The following SALL2 variants were observed in gnomAD, a reference collection of about 807,000 sequenced individuals.
SALL2 encodes the protein spalt like transcription factor 2.
Under a neutral mutation model 58.5 loss-of-function variants are expected in SALL2, and 32 were observed. The ratio of observed to expected loss-of-function variants is 0.55; its 90% CI spans 0.41 to 0.74. The LOEUF (loss-of-function observed/expected upper bound fraction) is 0.74, where lower values mean the gene tolerates loss of function less well. SALL2 is among the 30% of genes least tolerant of loss of function. The probability of loss-of-function intolerance (pLI) is 0.00; values close to 1 mark genes in which losing one functional copy is unlikely to be tolerated. For synonymous variants in SALL2, 516 were observed against 513.6 expected, an observed-to-expected ratio of 1.00 and a Z score of -0.06; for missense variants, 1,201 against 1,268.9, an observed-to-expected ratio of 0.95 and a Z score of 0.81.
rs1892147061 is a variant in SALL2, at chr14:21,523,645, T to C, written c.2077A>G (p.Ile693Val). 4 of 1,614,250 alleles carry C rather than the reference T, an allele frequency of 2.5e-6. No homozygotes were observed. The highest frequency in any genetic ancestry group is 1.3e-5 in the African/African-American group (1 of 75,072). ...GCATTGGTGAACTTCTTCTGGCAGA[T>C]GGGGCAGGAATTCTGTGCCCGGGCA... ...PAARAQNSCP[I>V]CQKKFTNAVT... is the part of the protein sequence containing the mutation. The change falls in exon 2 of 2, where the codon ATC becomes GTC. Residue 693 changes from isoleucine (I) to valine (V), a missense_variant. Around this residue, in one of 3 missense-constraint regions of SALL2, gnomAD observed 675 missense variants for 683.8 expected, o/e 0.99. Transcript: ENST00000537235. The surrounding 1 kb of genome is among the most constrained non-coding windows in gnomAD (Gnocchi z 4.4).
chr14:21,536,735 T>G (rs1245143186), intron 1 of SALL2: 2 of 749,042 alleles, frequency 2.7e-6, no homozygotes, highest in South Asian at 1.7e-5. Flanking sequence ...AAACCCCCAG[T>G]GACCAAGTCC....
Position 21,522,782 on chromosome 14 carries a change from T to C in SALL2, c.2940A>G (p.Leu980=). The C allele has an allele frequency of 1.3e-6, 2 of 1,592,916 alleles. No individual in the cohort carries two copies. The highest frequency in any genetic ancestry group is 1.7e-6 in the Non-Finnish European group (2 of 1,171,030). The change falls in exon 2 of 2, where the codon CTA becomes CTG. Residue 980 remains leucine, a synonymous_variant. Transcript: ENST00000537235. ...HGPQNIAALS[L]VPGCSPSITS... is the part of the protein sequence containing the mutation. ...TGATGGAAGGCGAACAGCCAGGGAC[T>C]AGAGAAAGAGCAGCAATATTCTGAG...
chr14:21,525,922 G>A lies in SALL2; in HGVS notation c.67+139C>T. On this transcript the variant is annotated intron_variant, in intron 1 of 1. Transcript: ENST00000537235. The surrounding 1 kb of genome is among the most constrained non-coding windows in gnomAD (Gnocchi z 4.4). ...CCACCCTCCCTTCCCCAGGCCACAA[G>A]CGAGTTCACGGAATAGGTGTGGGGA... The A allele has an allele frequency of 1.1e-6, 1 of 899,410 alleles. No individual in the cohort carries two copies. The highest frequency in any genetic ancestry group is 2.1e-5 in the Admixed American group (1 of 46,794). 55.7% of individuals were successfully genotyped at this position (899,410 alleles called of 1,614,324 possible).
At chr14:21,533,870 C>T (rs534186638) in intron 1 of SALL2, among the ~76,000 whole-genome samples, 6 of 152,178 alleles carry the variant, frequency 3.9e-5, no homozygotes, top group Non-Finnish European at 8.8e-5. Flanking sequence ...GGAAACATTA[C>T]TGGCACCCTA....
chr14:21,537,079 GAC>G, exon 1 of SALL2: 1 of 635,226 alleles, frequency 1.6e-6, no homozygotes, highest in South Asian at 1.9e-5. Flanking sequence ...CAGAGACACA[GAC>G]TCTCTCTCTC....
rs1407446113 is a variant in SALL2 at position 21,522,156 on chromosome 14, G to A, written c.*548C>T. The A allele has an allele frequency of 6.3e-7, 1 of 1,597,992 alleles. No homozygotes were observed. Among genetic ancestry groups the A allele is most frequent in the Middle Eastern group, 1.7e-4 (1 of 6,060 alleles). On this transcript the variant is annotated 3_prime_UTR_variant, in exon 2 of 2. Transcript: ENST00000537235. Reference sequence around the variant, plus strand: ...AGTTCCTAGGCCAAACAGCACTGGTGGGGCCAGGCTTGGAGTGGTAGTGGA... The same window carrying A: ...AGTTCCTAGGCCAAACAGCACTGGTAGGGCCAGGCTTGGAGTGGTAGTGGA...
chr14:21,527,069 C>A (rs902973400), upstream of SALL2, among the ~76,000 whole-genome samples: 10 of 152,192 alleles, frequency 6.6e-5, no homozygotes, highest in African/African-American at 2.4e-4. Context: ...TAAGCCATCT[C>A]CTATTTAGTA....
intron 1 of SALL2, among the ~76,000 whole-genome samples, chr14:21,535,284 G>C (rs1472742403): frequency 6.6e-6 from 1 of 150,526 alleles, no homozygotes; most frequent in Admixed American, 6.6e-5. Context: ...GGTGGAGCGG[G>C]CAGTGAGCCA....
Position 21,525,424 on chromosome 14 carries a change from A to T in SALL2, c.298T>A (p.Ser100Thr). Reference protein sequence around the residue: ...MDTEHSNPPDSGSSVPTDPTW... With the variant: ...MDTEHSNPPDTGSSVPTDPTW... ...GGATCCGTGGGCACGGAGGACCCAGAATCTGGGGGGTTGCTATGCTCTGTG... is the reference window on the plus strand; with the variant it reads ...GGATCCGTGGGCACGGAGGACCCAGTATCTGGGGGGTTGCTATGCTCTGTG... Residue 100 changes from serine (S) to threonine (T), a missense_variant, in exon 2 of 2, where the codon TCT becomes ACT. Physicochemically the swap from Ser to Thr is moderately conservative, Grantham distance 58 (BLOSUM62 1). Around this residue, in one of 3 missense-constraint regions of SALL2, gnomAD observed 467 missense variants for 468.9 expected, o/e 1.00. Transcript: ENST00000537235. The surrounding 1 kb of genome is among the most constrained non-coding windows in gnomAD (Gnocchi z 4.4). The T allele has an allele frequency of 3.1e-6, 5 of 1,613,918 alleles. No individual in the cohort carries two copies. Among genetic ancestry groups the T allele is most frequent in the Non-Finnish European group, 3.4e-6 (4 of 1,179,938 alleles).
At chr14:21,531,235 A>G (rs75281349), upstream of SALL2, among the ~76,000 whole-genome samples, 109 of 152,328 alleles carry the variant, frequency 7.2e-4, no homozygotes, top group African/African-American at 2.4e-3. Flanking sequence ...TTTGACTTCA[A>G]AGGACTCAAC....
rs1892311610 is a variant in SALL2 at position 21,526,333 on chromosome 14, G to A, written c.-206C>T. 7.0e-7 allele frequency: 1 copy of A among 1,426,674 alleles called. No homozygotes were observed. Among genetic ancestry groups the A allele is most frequent in the Non-Finnish European group, 9.1e-7 (1 of 1,094,608 alleles). 88.4% of individuals were successfully genotyped at this position (1,426,674 alleles called of 1,614,324 possible). Reference sequence around the variant, plus strand: ...GGAGAAGCTGGAGTGAGAAAGCGGGGAGAGGGGAGATCTGGGAGGAGCTGA... The same window carrying A: ...GGAGAAGCTGGAGTGAGAAAGCGGGAAGAGGGGAGATCTGGGAGGAGCTGA... On this transcript the variant is annotated 5_prime_UTR_variant, in exon 1 of 2. Coordinates refer to ENST00000537235, the MANE Select transcript of SALL2 (RefSeq NM_001364564.1).
exon 1 of SALL2, chr14:21,536,974 G>C: frequency 6.6e-7 from 1 of 1,525,396 alleles, no homozygotes. Context: ...GGTCTTAACC[G>C]GGGTGACCTG....
At chr14:21,531,346 G>C (rs918091070), upstream of SALL2, among the ~76,000 whole-genome samples, 4 of 152,202 alleles carry the variant, frequency 2.6e-5, no homozygotes, top group Non-Finnish European at 5.9e-5. Flanking sequence ...TAAAGTCCCA[G>C]CTCTAGAACA....
chr14:21,531,492 C>T (rs7148573), intron 1 of SALL2, among the ~76,000 whole-genome samples: 48,482 of 151,590 alleles, frequency 0.32, 8,480 homozygotes, highest in Middle Eastern at 0.47. Context: ...CCGCAACCTC[C>T]GCCTCCCAGG....
In SALL2 at chr14:21,521,558, A is replaced by C; in HGVS notation, c.*1146T>G. The stretch of plus-strand genomic sequence containing the variant: ...GTCACTATTAGCCCAAAAGAATATT[A>C]ACGAGAATGTCCAGACATTCACAAG... On this transcript the variant is annotated 3_prime_UTR_variant, in exon 2 of 2. Coordinates refer to ENST00000537235, the MANE Select transcript of SALL2 (RefSeq NM_001364564.1). 1 of 129,874 alleles carries C rather than the reference A, an allele frequency of 7.7e-6. No homozygotes were observed. The highest frequency in any genetic ancestry group is 1.8e-4 in the South Asian group (1 of 5,518). The allele number at this position is 129,874 out of a possible 1,614,324, so 8.0% of individuals were successfully genotyped here.
rs1380514096 is a variant in SALL2 at position 21,522,513 on chromosome 14, T to C, written c.*191A>G. The C allele has an allele frequency of 2.9e-6, 4 of 1,382,788 alleles. No homozygotes were observed. The highest frequency in any genetic ancestry group is 3.7e-6 in the Non-Finnish European group (4 of 1,073,384). 85.7% of individuals were successfully genotyped at this position (1,382,788 alleles called of 1,614,324 possible). A position where few individuals can be genotyped will look rare whatever the true frequency, so the allele number is the denominator to read the frequency against. ...ACAAAGAATGAGGAGGGAAGAAAAA[T>C]TCCTTAGGGGGCCATCCCCTTGTAA... On this transcript the variant is annotated 3_prime_UTR_variant, in exon 2 of 2. Coordinates refer to ENST00000537235, the MANE Select transcript of SALL2 (RefSeq NM_001364564.1).
At chr14:21,531,559 A>C (rs1016359462) in intron 1 of SALL2, among the ~76,000 whole-genome samples, 1 of 152,046 alleles carries the variant, frequency 6.6e-6, no homozygotes, top group African/African-American at 2.4e-5. Flanking sequence ...GGCATGTGCC[A>C]CCACGCCCGG....
upstream of SALL2, among the ~76,000 whole-genome samples, chr14:21,529,801 A>C (rs1892411038): frequency 6.6e-6 from 1 of 152,124 alleles, no homozygotes; most frequent in Non-Finnish European, 1.5e-5. Context: ...CAACCAACCA[A>C]CCAAACTTAA....
rs1427175396 is a variant in SALL2, at chr14:21,525,689, C to T, written c.68-35G>A. 1 of 1,535,622 alleles carries T rather than the reference C, an allele frequency of 6.5e-7. No homozygotes were observed. The highest frequency in any genetic ancestry group is 2.3e-5 in the East Asian group (1 of 44,142). On this transcript the variant is annotated intron_variant, in intron 1 of 1. Coordinates refer to ENST00000537235, the MANE Select transcript of SALL2 (RefSeq NM_001364564.1). This position sits in a 1 kb window ranked among gnomAD's most constrained non-coding sequence, Gnocchi z 4.4. ...AGACAAGGAGAGAGAGCGTGGGTGG[C>T]GCAGTTGGGTTGGGTATACCGAGGC... is the stretch of plus-strand genomic sequence containing the variant.
Sources: allele counts gnomAD v4.1 joint callset (sites outside exome capture counted in the v4.1 genomes callset), GRCh38; gene constraint gnomAD v4.1.1; regional missense constraint gnomAD v4.1.1; non-coding constraint Gnocchi (gnomAD v3.1); transcripts MANE v1.5; gene names NCBI Gene and HGNC (gene_info 2026-07-23, HGNC 2026-07-21).